The following GRXCR1 variants were observed in gnomAD, a reference collection of about 807,000 sequenced individuals.
The protein encoded by GRXCR1 is glutaredoxin domain-containing cysteine-rich protein 1.
A neutral mutation model predicts 27.3 loss-of-function variants in GRXCR1; 27 were observed. The observed-to-expected ratio is 0.99, with a 90% confidence interval of 0.73 to 1.37. GRXCR1 has a LOEUF of 1.37. GRXCR1 is among the 40% of genes most tolerant of loss of function. The pLI, the probability that GRXCR1 is intolerant of heterozygous loss-of-function variation, is 0.00. For synonymous variants in GRXCR1, 122 were observed against 131.1 expected, an observed-to-expected ratio of 0.93 and a Z score of 0.47; for missense variants, 379 against 354.4, an observed-to-expected ratio of 1.07 and a Z score of -0.56.
In GRXCR1 at chr4:43,000,474, T is replaced by TA. The variant is rs35604158; in HGVS notation, c.628-19857dup. 1.9e-3 allele frequency among the ~76,000 whole-genome samples: 219 copies of TA among 112,732 alleles called. 1 individual carries two copies. The highest frequency in any genetic ancestry group is 7.1e-3 in the African/African-American group (205 of 28,854). The allele number at this position is 112,732 out of a possible 152,430, so 74.0% of individuals were successfully genotyped here. A position where few individuals can be genotyped will look rare whatever the true frequency, so the allele number is the denominator to read the frequency against. The stretch of plus-strand genomic sequence containing the variant: ...CTGGTGACAGAGCGAGGCTCTATCT[T>TA]AAAAAAAAAAAAAAAAAAAAAAAGA... On this transcript the variant is annotated intron_variant, in intron 2 of 3. Coordinates refer to ENST00000399770, the MANE Select transcript of GRXCR1 (RefSeq NM_001080476.3).
chr4:42,987,222 T>TTATATTTATATA (rs1553943895), intron 2 of GRXCR1, among the ~76,000 whole-genome samples: 2 of 100,594 alleles, frequency 2.0e-5, no homozygotes, highest in South Asian at 6.4e-4. Context: ...TATATATATA[T>TTATATTTATATA]TATATATTAT....
At chr4:43,016,817 A>G (rs1712947902) in intron 2 of GRXCR1, among the ~76,000 whole-genome samples, 1 of 152,198 alleles carries the variant, frequency 6.6e-6, no homozygotes, top group Non-Finnish European at 1.5e-5. Flanking sequence ...TTTTCTGGCA[A>G]TCTTAGTTGG....
At chr4:42,961,786 G>A (rs967159573) in intron 1 of GRXCR1, among the ~76,000 whole-genome samples, 4 of 151,936 alleles carry the variant, frequency 2.6e-5, no homozygotes, top group Non-Finnish European at 2.9e-5. Flanking sequence ...ACCTGTCCAC[G>A]TGCATCTTGG....
chr4:42,965,053 T>G (rs530050987), intron 2 of GRXCR1, among the ~76,000 whole-genome samples: 1 of 152,174 alleles, frequency 6.6e-6, no homozygotes, highest in African/African-American at 2.4e-5. Flanking sequence ...TTGGCTGTTC[T>G]TATTCGGAAG....
chr4:42,928,865 T>C (rs1367385617), intron 1 of GRXCR1, among the ~76,000 whole-genome samples: 2 of 152,018 alleles, frequency 1.3e-5, no homozygotes, highest in Admixed American at 6.6e-5. Flanking sequence ...TGTCTCTGGA[T>C]TGGCTAGTTT....
intron 1 of GRXCR1, among the ~76,000 whole-genome samples, chr4:42,910,732 C>T (rs1746704849): frequency 6.6e-6 from 1 of 152,136 alleles, no homozygotes; most frequent in Non-Finnish European, 1.5e-5. Flanking sequence ...TCTGACTCCT[C>T]CAGTCTTATC....
intron 1 of GRXCR1, among the ~76,000 whole-genome samples, chr4:42,927,290 G>T (rs1422958603): frequency 6.6e-6 from 1 of 151,810 alleles, no homozygotes; most frequent in Admixed American, 6.6e-5. Flanking sequence ...ATATCCAAGG[G>T]GAAACCAAAT....
intron 1 of GRXCR1, among the ~76,000 whole-genome samples, chr4:42,951,644 T>A (rs752944208): frequency 4.6e-5 from 7 of 152,178 alleles, no homozygotes; most frequent in Non-Finnish European, 8.8e-5. Context: ...AGTAATGGGA[T>A]TTCTGGGTCA....
intron 1 of GRXCR1, among the ~76,000 whole-genome samples, chr4:42,937,060 T>C (rs1577912796): frequency 2.0e-5 from 3 of 151,942 alleles, no homozygotes; most frequent in African/African-American, 7.2e-5. Flanking sequence ...GAATGAAGTA[T>C]CTACATACAG....
chr4:42,936,824 A>T (rs1056969163), intron 1 of GRXCR1, among the ~76,000 whole-genome samples: 1 of 151,932 alleles, frequency 6.6e-6, no homozygotes, highest in Non-Finnish European at 1.5e-5. Context: ...TTGGAAAGGA[A>T]GATAACAGAA....
intron 1 of GRXCR1, among the ~76,000 whole-genome samples, chr4:42,926,109 C>T (rs1747152099): frequency 6.6e-6 from 1 of 152,040 alleles, no homozygotes; most frequent in Admixed American, 6.6e-5. Flanking sequence ...TGTCACATTG[C>T]TGTTAGTGAG....
At chr4:42,899,778 A>G (rs1470401908) in intron 1 of GRXCR1, among the ~76,000 whole-genome samples, 1 of 152,180 alleles carries the variant, frequency 6.6e-6, no homozygotes, top group Non-Finnish European at 1.5e-5. Flanking sequence ...TTAATATCTA[A>G]GTTGGAAAAT....
chr4:42,970,159 T>C (rs1748351595), intron 2 of GRXCR1, among the ~76,000 whole-genome samples: 1 of 152,176 alleles, frequency 6.6e-6, no homozygotes, highest in Non-Finnish European at 1.5e-5. Flanking sequence ...GTTCTGCCTC[T>C]GTGGCTCTGC....
At chr4:42,896,602 A>T (rs1251498066) in intron 1 of GRXCR1, among the ~76,000 whole-genome samples, 9 of 152,054 alleles carry the variant, frequency 5.9e-5, no homozygotes, top group Non-Finnish European at 1.2e-4. Context: ...GCCAATTTGG[A>T]AATCTGAAAA....
intron 1 of GRXCR1, among the ~76,000 whole-genome samples, chr4:42,932,615 TATATAGAGAGAGAGAGAG>T (rs1317616809): frequency 7.4e-4 from 25 of 33,944 alleles, no homozygotes; most frequent in South Asian, 3.1e-3. Flanking sequence ...TATATATATA[TATATAGAGAGAGAGAGAG>T]AGAGAGAGAG....
chr4:42,982,882 C>T lies in GRXCR1; in HGVS notation c.627+19748C>T, dbSNP rs202013528. ...TTGAGAAGTGTCTGTTCATGTCCTT[C>T]GCCCACTTTTTGATGGGGTTGTTTG... On this transcript the variant is annotated intron_variant, in intron 2 of 3. Transcript: ENST00000399770. Among the ~76,000 whole-genome samples, 1,144 of 151,466 alleles carry T rather than the reference C, an allele frequency of 7.6e-3. 19 individuals are homozygous for T. The highest frequency in any genetic ancestry group is 0.061 in the East Asian group (312 of 5,094).
At chr4:42,988,841 A>G (rs1358692789) in intron 2 of GRXCR1, among the ~76,000 whole-genome samples, 1 of 152,236 alleles carries the variant, frequency 6.6e-6, no homozygotes, top group Non-Finnish European at 1.5e-5. Flanking sequence ...ACTATAAGTC[A>G]TATATTATCA....
rs143394225 is a variant in GRXCR1 at position 42,939,896 on chromosome 4, C to A, written c.385-22996C>A. Among the ~76,000 whole-genome samples, 220 of 152,152 alleles carry A rather than the reference C, an allele frequency of 1.4e-3. 1 individual carries two copies. Among genetic ancestry groups the A allele is most frequent in the African/African-American group, 5.0e-3 (208 of 41,544 alleles). The stretch of plus-strand genomic sequence containing the variant: ...TCCATTCTCCATCTGTGTTCCTGAT[C>A]TAGTTCCTTGGAGTCCTGTTATCTA... On this transcript the variant is annotated intron_variant, in intron 1 of 3. Transcript: ENST00000399770.
At chr4:42,964,364 T>C (rs1748192875) in intron 2 of GRXCR1, among the ~76,000 whole-genome samples, 1 of 152,012 alleles carries the variant, frequency 6.6e-6, no homozygotes. Flanking sequence ...GAGCAAGCAC[T>C]GGGGTCAGAC....
Sources: allele counts gnomAD v4.1 joint callset (sites outside exome capture counted in the v4.1 genomes callset), GRCh38; gene constraint gnomAD v4.1.1; transcripts MANE v1.5; gene names NCBI Gene and HGNC (gene_info 2026-07-23, HGNC 2026-07-21).